The following PAN3 variants were observed in gnomAD, a reference collection of about 807,000 sequenced individuals.
The protein encoded by PAN3 is PAN2-PAN3 deadenylation complex subunit PAN3.
Under a neutral mutation model 96.2 loss-of-function variants are expected in PAN3, and 19 were observed. The observed-to-expected ratio is 0.20, with a 90% CI of 0.14 to 0.29. PAN3 has a LOEUF of 0.29. PAN3 is among the 10% of genes least tolerant of loss of function. The pLI is 1.00. For missense variants in PAN3, 882 were observed against 1,108.1 expected (o/e 0.80, Z 2.90); for synonymous variants, 433 against 406.6 (o/e 1.06, Z -0.78).
chr13:28,174,144 A>G, intron 1 of PAN3, 128 bp from the exon 2 acceptor site: 2 of 983,182 alleles, frequency 2.0e-6, no homozygotes, highest in Non-Finnish European at 2.9e-6. Context: ...CTTACCTGTT[A>G]TGAACTGGTA....
intron 17 of PAN3, among the ~76,000 whole-genome samples, chr13:28,282,999 C>T (rs1328591875): frequency 1.3e-5 from 2 of 151,914 alleles, no homozygotes; most frequent in Non-Finnish European, 2.9e-5. Context: ...TACTTTCACA[C>T]ATTATTGATA....
In PAN3 at chr13:28,139,029, C is replaced by T; in HGVS notation, c.372C>T (p.Thr124=). ...AGCCGGACCTGGGGGACCCGGGGAC[C>T]GGAGCCGCAGCCGGCGGAGGAGGCA... ...PKKPDLGDPG[T]GAAAGGGGSS... Residue 124 remains threonine, a synonymous_variant, in exon 1 of 19, where the codon ACC becomes ACT. Transcript: ENST00000380958. The T allele has an allele frequency of 7.9e-7, 1 of 1,270,876 alleles. No individual in the cohort carries two copies. 78.7% of individuals were successfully genotyped at this position (1,270,876 alleles called of 1,614,324 possible). A position where few individuals can be genotyped will look rare whatever the true frequency, so the allele number is the denominator to read the frequency against.
chr13:28,151,519 A>T (rs1390279026), intron 1 of PAN3, among the ~76,000 whole-genome samples: 1 of 152,122 alleles, frequency 6.6e-6, no homozygotes, highest in African/African-American at 2.4e-5. Flanking sequence ...TGTCTCAAAA[A>T]AAAAAAAGTT....
chr13:28,188,476 G>A (rs563356010), intron 4 of PAN3, among the ~76,000 whole-genome samples: 11 of 152,218 alleles, frequency 7.2e-5, no homozygotes, highest in African/African-American at 1.4e-4. Flanking sequence ...TGGTGTGCAC[G>A]CATAGTGCCA....
chr13:28,173,337 T>G (rs1038590909), intron 1 of PAN3, among the ~76,000 whole-genome samples: 3 of 152,236 alleles, frequency 2.0e-5, no homozygotes, highest in Admixed American at 1.3e-4. Flanking sequence ...ATGAACTTTT[T>G]ATATGTAAAT....
At chr13:28,284,746 A>T (rs896662335) in intron 17 of PAN3, among the ~76,000 whole-genome samples, 1 of 152,130 alleles carries the variant, frequency 6.6e-6, no homozygotes, top group African/African-American at 2.4e-5. Flanking sequence ...TCAATCATGA[A>T]ATTGAATTTT....
chr13:28,174,479 G>T (rs1369393061), intron 2 of PAN3, 86 bp downstream of exon 2: 1 of 1,428,478 alleles, frequency 7.0e-7, no homozygotes, highest in Non-Finnish European at 9.5e-7. Flanking sequence ...TCCTACATTT[G>T]TTGAGTGGGA....
intron 4 of PAN3, among the ~76,000 whole-genome samples, chr13:28,196,017 T>C (rs887905289): frequency 6.7e-6 from 1 of 149,016 alleles, no homozygotes; most frequent in Non-Finnish European, 1.5e-5. Context: ...TGGCTATAGG[T>C]TTTTTTTTGT....
In PAN3 at chr13:28,138,689, C is replaced by CGAGGGGGGA; in HGVS notation, c.33_34insAGGGGGGAG (p.Ser11_Ala12insArgGlyGlu). 1 of 1,000,994 alleles carries CGAGGGGGGA rather than the reference C, an allele frequency of 1.0e-6. No homozygotes were observed. The highest frequency in any genetic ancestry group is 1.3e-6 in the Non-Finnish European group (1 of 752,524). The allele number at this position is 1,000,994 out of a possible 1,614,324, so 62.0% of individuals were successfully genotyped here. On this transcript the variant is annotated inframe_insertion, in exon 1 of 19. Coordinates refer to ENST00000380958, the MANE Select transcript of PAN3 (RefSeq NM_175854.8). Reference sequence around the variant, plus strand: ...AGTGGCGGCGGCCTCCCGCCCCCCTCGGCCGCCGCCTCCCCTTCCTCCTCC... The same window carrying CGAGGGGGGA: ...AGTGGCGGCGGCCTCCCGCCCCCCTCGAGGGGGGAGGCCGCCGCCTCCCCTTCCTCCTCC...
intron 6 of PAN3, among the ~76,000 whole-genome samples, chr13:28,242,630 A>C (rs1310529950): frequency 1.3e-5 from 2 of 152,180 alleles, no homozygotes; most frequent in Admixed American, 1.3e-4. Context: ...GGTTTAGAGT[A>C]TTTGGTGTTG....
chr13:28,268,136 C>T (rs752855135), intron 12 of PAN3, among the ~76,000 whole-genome samples: 2 of 152,064 alleles, frequency 1.3e-5, no homozygotes, highest in Non-Finnish European at 2.9e-5. Flanking sequence ...CTCTGGCTTC[C>T]CTGCCTAAGT....
chr13:28,243,679 GTTTTGT>G (rs1231276319), intron 6 of PAN3, among the ~76,000 whole-genome samples: 1 of 151,694 alleles, frequency 6.6e-6, no homozygotes. Flanking sequence ...ATCTCTTTAG[GTTTTGT>G]TTTTGTTTTT....
chr13:28,185,482 T>G (rs1295191335), intron 4 of PAN3, among the ~76,000 whole-genome samples: 1 of 152,190 alleles, frequency 6.6e-6, no homozygotes, highest in Non-Finnish European at 1.5e-5. Flanking sequence ...TAATTGGCAC[T>G]TTGTGTGCAG....
At position 28,164,462 on chromosome 13, in the gene PAN3, G is replaced by A. The variant is rs550947531; in HGVS notation, c.431-9810G>A. Among the ~76,000 whole-genome samples, 4 of 152,286 alleles carry A rather than the reference G, an allele frequency of 2.6e-5. No homozygotes were observed. In the South Asian group the frequency reaches 6.2e-4, roughly 24 times the overall value. On this transcript the variant is annotated intron_variant, in intron 1 of 18. Coordinates refer to ENST00000380958, the MANE Select transcript of PAN3 (RefSeq NM_175854.8). ...GATTTCATCCTTTAGCGTGAGCATC[G>A]CCAGCATCTTCTCTGTAATGCCCTA...
chr13:28,281,226 G>C, intron 16 of PAN3, 89 bp from the exon 17 acceptor site: 2 of 917,314 alleles, frequency 2.2e-6, no homozygotes, highest in Non-Finnish European at 3.5e-6. Flanking sequence ...AGGTAATATT[G>C]GTACAGGTTA....
chr13:28,249,204 GCA>G (rs1884484304), intron 6 of PAN3, among the ~76,000 whole-genome samples: 1 of 152,074 alleles, frequency 6.6e-6, no homozygotes, highest in Non-Finnish European at 1.5e-5. Flanking sequence ...ACTTGTCTTA[GCA>G]TAAGAAGCCA....
chr13:28,155,606 A>T (rs1872038968), intron 1 of PAN3, among the ~76,000 whole-genome samples: 1 of 152,158 alleles, frequency 6.6e-6, no homozygotes, highest in African/African-American at 2.4e-5. Context: ...AATAAAAATT[A>T]AAAAACAAAG....
At chr13:28,202,756 G>A (rs552165167) in intron 5 of PAN3, among the ~76,000 whole-genome samples, 1 of 151,956 alleles carries the variant, frequency 6.6e-6, no homozygotes, top group Non-Finnish European at 1.5e-5. Context: ...TATTAAATTT[G>A]TTTGCCTGTT....
At chr13:28,197,905 G>C (rs1019410183) in intron 5 of PAN3, among the ~76,000 whole-genome samples, 2 of 152,026 alleles carry the variant, frequency 1.3e-5, no homozygotes, top group Non-Finnish European at 2.9e-5. Flanking sequence ...TAGTTTTTCT[G>C]TTTTCAATTT....
Sources: allele counts gnomAD v4.1 joint callset (sites outside exome capture counted in the v4.1 genomes callset), GRCh38; gene constraint gnomAD v4.1.1; transcripts MANE v1.5; gene names NCBI Gene and HGNC (gene_info 2026-07-23, HGNC 2026-07-21).